Variants in CALN1 observed in about 807,000 individuals in gnomAD.
CALN1 encodes the protein calneuron 1.
A neutral mutation model predicts 30.6 loss-of-function variants in CALN1; 17 were observed. The ratio of observed to expected loss-of-function variants is 0.56; its 90% CI spans 0.38 to 0.83. CALN1 has a LOEUF of 0.83. CALN1 is among the 40% of genes least tolerant of loss of function. The pLI is 0.00. For synonymous variants in CALN1, 156 were observed against 131.4 expected, an observed-to-expected ratio of 1.19 and a Z score of -1.28; for missense variants, 291 against 354.9, an observed-to-expected ratio of 0.82 and a Z score of 1.45.
chr7:71,830,848 C>T (rs1017439374), intron 5 of CALN1, among the ~76,000 whole-genome samples: 3 of 152,158 alleles, frequency 2.0e-5, no homozygotes, highest in Non-Finnish European at 4.4e-5. Flanking sequence ...ATTCCCAAAT[C>T]ACACATCTTC....
chr7:72,040,504 T>C (rs1802060476), intron 4 of CALN1, among the ~76,000 whole-genome samples: 4 of 152,070 alleles, frequency 2.6e-5, no homozygotes, highest in Non-Finnish European at 5.9e-5. Context: ...ATTAATTAAA[T>C]ACAGTTGAAT....
Position 72,184,578 on chromosome 7 carries a change from C to A in CALN1, c.245-78284G>T, listed in dbSNP as rs76694440. 1.4e-3 allele frequency among the ~76,000 whole-genome samples: 217 copies of A among 152,248 alleles called. 1 individual carries two copies. Among genetic ancestry groups the A allele is most frequent in the African/African-American group, 5.0e-3 (206 of 41,554 alleles). ...AGTATTACATCATGTTACCTTGCAT[C>A]CTCTGTCGTAGCTGGAAAGGTAAAC... On this transcript the variant is annotated intron_variant, in intron 3 of 6. Transcript: ENST00000395275.
chr7:72,256,605 T>TTA (rs1795931896), intron 3 of CALN1, among the ~76,000 whole-genome samples: 1 of 13,334 alleles, frequency 7.5e-5, no homozygotes. Context: ...CAATCAATTA[T>TTA]TTTTTTTTCT....
chr7:72,101,468 G>A (rs980012370), intron 4 of CALN1, among the ~76,000 whole-genome samples: 5 of 152,090 alleles, frequency 3.3e-5, no homozygotes, highest in South Asian at 4.2e-4. Context: ...ATAAAGCAAC[G>A]TCAAATCAGG....
chr7:71,945,404 A>G (rs1012437500), intron 5 of CALN1, among the ~76,000 whole-genome samples: 3 of 152,248 alleles, frequency 2.0e-5, no homozygotes, highest in African/African-American at 4.8e-5. Context: ...GCACAACCCA[A>G]TGAGAATGAA....
intron 5 of CALN1, among the ~76,000 whole-genome samples, chr7:71,927,284 A>G (rs1173364295): frequency 6.6e-6 from 1 of 152,116 alleles, no homozygotes. Flanking sequence ...ATCTCAGCTC[A>G]CTGCAACCTC....
At chr7:71,983,151 C>T (rs1246050308) in intron 5 of CALN1, among the ~76,000 whole-genome samples, 1 of 152,184 alleles carries the variant, frequency 6.6e-6, no homozygotes, top group Non-Finnish European at 1.5e-5. Flanking sequence ...GGGAGTCCCA[C>T]TCAGGCACCC....
At position 72,175,848 on chromosome 7, in the gene CALN1, GA is replaced by G. The variant is rs527809140; in HGVS notation, c.245-69555del. Among the ~76,000 whole-genome samples, 3 of 152,292 alleles carry G rather than the reference GA, an allele frequency of 2.0e-5. No homozygotes were observed. The South Asian group carries it at 6.2e-4, about 32-fold the overall frequency. On this transcript the variant is annotated intron_variant, in intron 3 of 6. Coordinates refer to ENST00000395275, the MANE Select transcript of CALN1 (RefSeq NM_031468.4). ...AACAGCTCAGGCACAGAGGAAGAGGGAAAGTCTCTTAGGTAACCACCAAACT... is the reference window on the plus strand; with the variant it reads ...AACAGCTCAGGCACAGAGGAAGAGGGAAGTCTCTTAGGTAACCACCAAACT...
At chr7:72,035,777 T>A (rs1055123865) in intron 4 of CALN1, among the ~76,000 whole-genome samples, 2 of 152,344 alleles carry the variant, frequency 1.3e-5, no homozygotes, top group Non-Finnish European at 1.5e-5. Context: ...TGTCACAAAA[T>A]TACCTCTTTA....
chr7:71,927,208 T>C (rs1228131775), intron 5 of CALN1, among the ~76,000 whole-genome samples: 1 of 149,796 alleles, frequency 6.7e-6, no homozygotes, highest in Non-Finnish European at 1.5e-5. Context: ...CAGTCTCAAA[T>C]TTTTTGTATG....
intron 3 of CALN1, among the ~76,000 whole-genome samples, chr7:72,209,769 C>T (rs910458725): frequency 4.1e-4 from 63 of 152,106 alleles, no homozygotes; most frequent in African/African-American, 1.5e-3. Context: ...CTATTCGGGG[C>T]ATTTCAGAGA....
At chr7:72,190,545 A>T (rs1206187187) in intron 3 of CALN1, among the ~76,000 whole-genome samples, 2 of 152,212 alleles carry the variant, frequency 1.3e-5, no homozygotes, top group Non-Finnish European at 2.9e-5. Context: ...CCAGTTTCCA[A>T]ATGCTAGTTA....
chr7:71,847,484 T>TA (rs1472043814), intron 5 of CALN1, among the ~76,000 whole-genome samples: 1 of 151,566 alleles, frequency 6.6e-6, no homozygotes, highest in African/African-American at 2.4e-5. Context: ...ACCCCATCTC[T>TA]ACTAAAACAA....
chr7:72,172,585 A>G (rs561542615), intron 3 of CALN1, among the ~76,000 whole-genome samples: 20 of 152,362 alleles, frequency 1.3e-4, no homozygotes, highest in Admixed American at 1.0e-3. Flanking sequence ...CAAAAGGTAC[A>G]TAACACATCA....
rs74532972 is a variant in CALN1 at position 72,105,103 on chromosome 7, G to A, written c.388+1048C>T. ...CCTGTGTTAGTTTGCCGAGGATAGT[G>A]GCTTCCAACTAAAATCCATTGTGGC... On this transcript the variant is annotated intron_variant, in intron 4 of 6. Transcript: ENST00000395275. 1.4e-4 allele frequency among the ~76,000 whole-genome samples: 21 copies of A among 152,008 alleles called. No individual in the cohort carries two copies. The East Asian group carries it at 3.9e-3, about 28-fold the overall frequency.
At chr7:72,457,010 T>TC in the CALN1 span, among the ~76,000 whole-genome samples, 20 of 144,350 alleles carry the variant, frequency 1.4e-4, no homozygotes, top group African/African-American at 4.4e-4. Flanking sequence ...CTTTCTTTTT[T>TC]TTTTTTTTTT....
At chr7:71,871,621 T>C (rs117080968) in intron 5 of CALN1, among the ~76,000 whole-genome samples, 3,947 of 152,160 alleles carry the variant, frequency 0.026, 80 homozygotes, top group Middle Eastern at 0.044. Flanking sequence ...CTGGACTGCC[T>C]CCTGCCTGCC....
intron 2 of CALN1, among the ~76,000 whole-genome samples, chr7:72,359,550 G>A (rs567204269): frequency 5.3e-5 from 8 of 152,240 alleles, no homozygotes; most frequent in Middle Eastern, 3.4e-3. Flanking sequence ...CAGGCACCAC[G>A]TGCCTCCTGG....
At chr7:71,996,118 T>C (rs374951778) in intron 5 of CALN1, among the ~76,000 whole-genome samples, 1 of 152,240 alleles carries the variant, frequency 6.6e-6, no homozygotes, top group African/African-American at 2.4e-5. Flanking sequence ...ATTGCAACCA[T>C]AGTCCGCAAA....
Sources: gnomAD v4.1 joint callset for allele counts (sites outside exome capture counted in the v4.1 genomes callset) on GRCh38, gnomAD v4.1.1 for gene constraint, MANE v1.5 for transcripts, NCBI Gene and HGNC (gene_info 2026-07-23, HGNC 2026-07-21) for gene names.